The following KCNB2 variants were observed in gnomAD, a reference collection of about 807,000 sequenced individuals.
KCNB2 encodes the protein potassium voltage-gated channel subfamily B member 2.
KCNB2 carries 15 observed loss-of-function variants against 61.5 expected under a neutral mutation model. The ratio of observed to expected loss-of-function variants is 0.24; its 90% CI spans 0.16 to 0.38. KCNB2 has a LOEUF of 0.38. Ranked by LOEUF, KCNB2 falls within the 10% of genes least tolerant of loss-of-function variation. The probability of loss-of-function intolerance (pLI) is 1.00; values close to 1 mark genes in which losing one functional copy is unlikely to be tolerated. For missense variants in KCNB2, 828 were observed against 1,125.2 expected (o/e 0.74, Z 3.78); for synonymous variants, 457 against 446.0 (o/e 1.02, Z -0.31).
rs140654353 is a variant in KCNB2, at chr8:72,574,516, C to T, written c.579+6203C>T. 8.7e-4 allele frequency among the ~76,000 whole-genome samples: 132 copies of T among 152,214 alleles called. No individual in the cohort carries two copies. The South Asian group carries it at 0.015, about 17-fold the overall frequency. On this transcript the variant is annotated intron_variant, in intron 2 of 2. Transcript: ENST00000523207. ...GAATATTTTTGAAAAAGTAAATTACCCAAGAATCATGCACTTTTTGGTTCC... is the reference window on the plus strand; with the variant it reads ...GAATATTTTTGAAAAAGTAAATTACTCAAGAATCATGCACTTTTTGGTTCC...
At chr8:72,658,912 T>G (rs1450844955) in intron 2 of KCNB2, among the ~76,000 whole-genome samples, 1 of 152,186 alleles carries the variant, frequency 6.6e-6, no homozygotes, top group Non-Finnish European at 1.5e-5. Flanking sequence ...TTTCAAAATA[T>G]TACTGCTCAC....
Position 72,936,544 on chromosome 8 carries a change from G to A in KCNB2, c.1189G>A (p.Val397Met). The part of the protein sequence containing the change: ...IYPKTLLGKI[V>M]GGLCCIAGVL... ...CCCTAAAACATTACTAGGGAAAATTGTGGGAGGTCTGTGCTGTATTGCTGG... is the reference window on the plus strand; with the variant it reads ...CCCTAAAACATTACTAGGGAAAATTATGGGAGGTCTGTGCTGTATTGCTGG... Residue 397 changes from valine (V) to methionine (M), a missense_variant, in exon 3 of 3, where the codon GTG (valine) becomes ATG (methionine). Coordinates refer to ENST00000523207, the MANE Select transcript of KCNB2 (RefSeq NM_004770.3). The surrounding 1 kb of genome is among the most constrained non-coding windows in gnomAD (Gnocchi z 5.6). The A allele has an allele frequency of 6.2e-7, 1 of 1,614,222 alleles. No individual in the cohort carries two copies. Among genetic ancestry groups the A allele is most frequent in the Non-Finnish European group, 8.5e-7 (1 of 1,180,038 alleles).
intron 2 of KCNB2, among the ~76,000 whole-genome samples, chr8:72,893,024 T>C (rs1346332679): frequency 6.6e-6 from 1 of 152,056 alleles, no homozygotes; most frequent in African/African-American, 2.4e-5. Flanking sequence ...GAAAATTTGC[T>C]TTGACCTTAG....
intron 2 of KCNB2, among the ~76,000 whole-genome samples, chr8:72,858,719 T>A (rs530736072): frequency 6.6e-6 from 1 of 152,318 alleles, no homozygotes; most frequent in African/African-American, 2.4e-5. Context: ...GCTATAAATC[T>A]GTAATAGAAC....
chr8:72,874,223 A>C (rs1404979606), intron 2 of KCNB2, among the ~76,000 whole-genome samples: 1 of 152,170 alleles, frequency 6.6e-6, no homozygotes, highest in Non-Finnish European at 1.5e-5. Context: ...CCATTACCAA[A>C]ATTATTTTGG....
At chr8:72,677,066 TATGAC>T (rs1322609960) in intron 2 of KCNB2, among the ~76,000 whole-genome samples, 4 of 150,930 alleles carry the variant, frequency 2.7e-5, no homozygotes, top group Non-Finnish European at 2.9e-5. Flanking sequence ...CCTAAACCAA[TATGAC>T]TTGCATGCCT....
At chr8:72,841,372 C>CTTTTTTTTTTTTT (rs769263287) in intron 2 of KCNB2, among the ~76,000 whole-genome samples, 55 of 34,196 alleles carry the variant, frequency 1.6e-3, no homozygotes, top group African/African-American at 3.3e-3. Context: ...TTTTTTTTTT[C>CTTTTTTTTTTTTT]TTTTTTTTTT....
chr8:72,582,092 A>G (rs1483324438), intron 2 of KCNB2, among the ~76,000 whole-genome samples: 1 of 152,218 alleles, frequency 6.6e-6, no homozygotes, highest in Non-Finnish European at 1.5e-5. Context: ...TCTGAGTCTA[A>G]TGAGACACAA....
At chr8:72,931,240 A>C (rs10087567) in intron 2 of KCNB2, among the ~76,000 whole-genome samples, 65,077 of 151,442 alleles carry the variant, frequency 0.43, 15,323 homozygotes, top group East Asian at 0.89. Flanking sequence ...ATGATGCCTC[A>C]AGCTTTGTTC....
chr8:72,708,327 A>G (rs1370660103), intron 2 of KCNB2, among the ~76,000 whole-genome samples: 1 of 152,194 alleles, frequency 6.6e-6, no homozygotes, highest in African/African-American at 2.4e-5. Context: ...TTCTTTGGAA[A>G]GGACATTATT....
intron 2 of KCNB2, among the ~76,000 whole-genome samples, chr8:72,768,654 C>T (rs1055940210): frequency 6.6e-6 from 1 of 152,018 alleles, no homozygotes; most frequent in Non-Finnish European, 1.5e-5. Flanking sequence ...GATCATGAAG[C>T]TTTATGCCTG....
intron 2 of KCNB2, among the ~76,000 whole-genome samples, chr8:72,761,224 C>G (rs1281632690): frequency 6.6e-6 from 1 of 152,134 alleles, no homozygotes; most frequent in Non-Finnish European, 1.5e-5. Context: ...TACCCTGCAT[C>G]CATCCTGGGG....
intron 2 of KCNB2, among the ~76,000 whole-genome samples, chr8:72,576,958 C>G (rs1806804131): frequency 6.6e-6 from 1 of 152,196 alleles, no homozygotes; most frequent in Non-Finnish European, 1.5e-5. Context: ...GCTTTCATCT[C>G]TCCAAAGTTT....
At chr8:72,758,185 T>C (rs767396912) in intron 2 of KCNB2, among the ~76,000 whole-genome samples, 1 of 152,214 alleles carries the variant, frequency 6.6e-6, no homozygotes, top group Non-Finnish European at 1.5e-5. Flanking sequence ...GGAACAGTTC[T>C]GGAACGGCCA....
At chr8:72,540,522 T>C (rs951936283) in intron 1 of KCNB2, among the ~76,000 whole-genome samples, 3 of 152,152 alleles carry the variant, frequency 2.0e-5, no homozygotes, top group African/African-American at 7.2e-5. Context: ...GTTGTTTGTT[T>C]TTTTTAAGGC....
At chr8:72,935,629 A>G (rs1806883768) in intron 2 of KCNB2, among the ~76,000 whole-genome samples, 1 of 152,166 alleles carries the variant, frequency 6.6e-6, no homozygotes, top group Non-Finnish European at 1.5e-5. Flanking sequence ...CTAAGAGAGG[A>G]GAGATAATTA....
chr8:72,820,117 T>C (rs1809470948), intron 2 of KCNB2, among the ~76,000 whole-genome samples: 1 of 152,106 alleles, frequency 6.6e-6, no homozygotes, highest in Non-Finnish European at 1.5e-5. Context: ...GAAAGTACCC[T>C]CATCAACCGC....
chr8:72,845,705 G>A (rs555837431), intron 2 of KCNB2, among the ~76,000 whole-genome samples: 4 of 152,278 alleles, frequency 2.6e-5, no homozygotes, highest in African/African-American at 7.2e-5. Flanking sequence ...GGCTTCGCCC[G>A]GTTCGAACTT....
At chr8:72,683,263 T>A (rs1440359) in intron 2 of KCNB2, among the ~76,000 whole-genome samples, 64,471 of 152,118 alleles carry the variant, frequency 0.42, 15,572 homozygotes, top group Non-Finnish European at 0.57. Context: ...CACTTTTTTT[T>A]CTATTCCCCT....
Sources: gnomAD v4.1 joint callset for allele counts (sites outside exome capture counted in the v4.1 genomes callset) on GRCh38, gnomAD v4.1.1 for gene constraint, Gnocchi (gnomAD v3.1) non-coding constraint, MANE v1.5 for transcripts, NCBI Gene and HGNC (gene_info 2026-07-23, HGNC 2026-07-21) for gene names.